GDAP1: variants seen among roughly 807,000 people sequenced by gnomAD.
The protein encoded by GDAP1 is ganglioside induced differentiation associated protein 1.
A neutral mutation model predicts 40.1 loss-of-function variants in GDAP1; 34 were observed. The observed-to-expected ratio is 0.85, with a 90% CI of 0.64 to 1.13. The LOEUF (loss-of-function observed/expected upper bound fraction) is 1.13, where lower values mean the gene tolerates loss of function less well. Ranked by LOEUF, GDAP1 falls within the 50% of genes most tolerant of loss-of-function variation. GDAP1 has a pLI of 0.00. For missense variants in GDAP1, 374 were observed against 433.7 expected, an observed-to-expected ratio of 0.86 and a Z score of 1.22; for synonymous variants, 170 against 157.4, an observed-to-expected ratio of 1.08 and a Z score of -0.60.
At chr8:74,367,894 G>A (rs56656992), downstream of GDAP1, among the ~76,000 whole-genome samples, 49 of 152,304 alleles carry the variant, frequency 3.2e-4, no homozygotes, top group African/African-American at 1.2e-3. Context: ...TAGGAGGGAG[G>A]AGAGATTGGC....
intron 2 of GDAP1, among the ~76,000 whole-genome samples, chr8:74,443,632 C>G (rs917553627): frequency 6.6e-6 from 1 of 152,116 alleles, no homozygotes; most frequent in Non-Finnish European, 1.5e-5. Context: ...GAGACTTCCT[C>G]TCTAAAAAAC....
At chr8:74,381,804 A>G (rs1048774836) in intron 2 of GDAP1, among the ~76,000 whole-genome samples, 2 of 151,688 alleles carry the variant, frequency 1.3e-5, no homozygotes, top group Non-Finnish European at 2.9e-5. Context: ...AAAATTTAAC[A>G]CTGAAACTCC....
intron 2 of GDAP1, among the ~76,000 whole-genome samples, chr8:74,386,604 G>T (rs1810029301): frequency 6.6e-6 from 1 of 152,154 alleles, no homozygotes; most frequent in East Asian, 1.9e-4. Flanking sequence ...AATATAGCTG[G>T]AAGTCAGGTA....
At chr8:74,469,754 T>C (rs936421167) in intron 2 of GDAP1, among the ~76,000 whole-genome samples, 11 of 151,294 alleles carry the variant, frequency 7.3e-5, no homozygotes, top group African/African-American at 2.7e-4. Context: ...GGTGGGCGGA[T>C]CACCTGAGGT....
chr8:74,470,573 G>A (rs1400691699), intron 2 of GDAP1, among the ~76,000 whole-genome samples: 2 of 152,188 alleles, frequency 1.3e-5, no homozygotes, highest in East Asian at 3.8e-4. Context: ...TCCCTACAAA[G>A]GACATGAACT....
chr8:74,370,328 A>G (rs2131530571), downstream of GDAP1, among the ~76,000 whole-genome samples: 1 of 152,372 alleles, frequency 6.6e-6, no homozygotes, highest in Admixed American at 6.5e-5. Context: ...AAGTGGATGA[A>G]TGGAATTACA....
At chr8:74,382,777 CT>C (rs887529038) in intron 2 of GDAP1, among the ~76,000 whole-genome samples, 8 of 151,940 alleles carry the variant, frequency 5.3e-5, no homozygotes, top group African/African-American at 1.2e-4. Flanking sequence ...TAGAATTTCA[CT>C]TTTTTTTCCC....
intron 2 of GDAP1, among the ~76,000 whole-genome samples, chr8:74,469,623 C>A (rs200886344): frequency 6.8e-6 from 1 of 148,058 alleles, no homozygotes; most frequent in Admixed American, 6.8e-5. Flanking sequence ...GAGCCGAGAT[C>A]GCGCCACTGC....
rs761730309 is a variant in GDAP1, at chr8:74,350,536, G to A, written c.75G>A (p.Lys25=). The part of the protein sequence containing the change: ...RAEGKADAEV[K]LILYHWTHSF... Reference sequence around the variant, plus strand: ...AAGGCAAGGCCGACGCGGAGGTTAAGCTCATTCTGTACCATTGGACGCATT... The same window carrying A: ...AAGGCAAGGCCGACGCGGAGGTTAAACTCATTCTGTACCATTGGACGCATT... Residue 25 remains lysine, a synonymous_variant, in exon 1 of 6, where the codon AAG becomes AAA. Coordinates refer to ENST00000220822, the MANE Select transcript of GDAP1 (RefSeq NM_018972.4). 39 of 1,613,034 alleles carry A rather than the reference G, an allele frequency of 2.4e-5. No homozygotes were observed. The highest frequency in any genetic ancestry group is 3.2e-5 in the Non-Finnish European group (38 of 1,178,988).
At chr8:74,429,957 A>G (rs1318235019) in intron 2 of GDAP1, among the ~76,000 whole-genome samples, 1 of 152,202 alleles carries the variant, frequency 6.6e-6, no homozygotes, top group Admixed American at 6.5e-5. Flanking sequence ...CATCACGGAC[A>G]GTGTTACCTG....
intron 2 of GDAP1, among the ~76,000 whole-genome samples, chr8:74,479,397 G>A (rs1806677783): frequency 6.6e-6 from 1 of 151,900 alleles, no homozygotes; most frequent in Admixed American, 6.6e-5. Flanking sequence ...AGCTTTCATG[G>A]ACTGAGAAGT....
chr8:74,428,652 T>TTC (rs1805985227), intron 2 of GDAP1, among the ~76,000 whole-genome samples: 1 of 134,234 alleles, frequency 7.4e-6, no homozygotes, highest in East Asian at 2.2e-4. Context: ...TTTTTTTTTT[T>TTC]TTTTTTTTTA....
intron 2 of GDAP1, among the ~76,000 whole-genome samples, chr8:74,418,777 C>A (rs1805819253): frequency 6.6e-6 from 1 of 152,068 alleles, no homozygotes; most frequent in African/African-American, 2.4e-5. Flanking sequence ...ATTGGCAAAT[C>A]TCATATTCAG....
At chr8:74,395,338 G>A (rs1349121078) in intron 2 of GDAP1, among the ~76,000 whole-genome samples, 2 of 152,164 alleles carry the variant, frequency 1.3e-5, no homozygotes, top group African/African-American at 2.4e-5. Context: ...AAAGGTTCCA[G>A]TATGTGTCAG....
At chr8:74,355,060 A>G (rs1285207065) in intron 2 of GDAP1, among the ~76,000 whole-genome samples, 2 of 152,182 alleles carry the variant, frequency 1.3e-5, no homozygotes, top group African/African-American at 2.4e-5. Context: ...ACATATTTCT[A>G]TCCTTGTACT....
intron 2 of GDAP1, among the ~76,000 whole-genome samples, chr8:74,404,610 C>T (rs925554352): frequency 6.7e-6 from 1 of 149,814 alleles, no homozygotes; most frequent in African/African-American, 2.6e-5. Flanking sequence ...TCAGAGATTG[C>T]ATTCTTAACC....
At chr8:74,361,487 C>T (rs191619433) in intron 3 of GDAP1, among the ~76,000 whole-genome samples, 1 of 152,086 alleles carries the variant, frequency 6.6e-6, no homozygotes, top group East Asian at 1.9e-4. Flanking sequence ...ACCTCTGCTT[C>T]CTGAGTTCAA....
downstream of GDAP1, among the ~76,000 whole-genome samples, chr8:74,371,319 T>G (rs1405884825): frequency 2.0e-5 from 3 of 152,192 alleles, no homozygotes; most frequent in Non-Finnish European, 4.4e-5. Context: ...ATTTGGAAAT[T>G]AAATAGCACA....
At chr8:74,422,802 T>C (rs1209604291) in intron 2 of GDAP1, among the ~76,000 whole-genome samples, 1 of 151,804 alleles carries the variant, frequency 6.6e-6, no homozygotes, top group Non-Finnish European at 1.5e-5. Context: ...AAGTTTACTT[T>C]TTATTTCCCA....
Sources: gnomAD v4.1 joint callset for allele counts (sites outside exome capture counted in the v4.1 genomes callset) on GRCh38, gnomAD v4.1.1 for gene constraint, MANE v1.5 for transcripts, NCBI Gene and HGNC (gene_info 2026-07-23, HGNC 2026-07-21) for gene names.